The following CDK7 variants were observed in gnomAD, a reference collection of about 807,000 sequenced individuals.
The protein encoded by CDK7 is cyclin-dependent kinase 7.
In CDK7, 25 loss-of-function variants were observed where a neutral mutation model predicts 49.1. The observed-to-expected ratio is 0.51, with a 90% CI of 0.37 to 0.71. CDK7 has a LOEUF of 0.71. CDK7 is among the 30% of genes least tolerant of loss of function. The probability of loss-of-function intolerance (pLI) is 0.00; values close to 1 mark genes in which losing one functional copy is unlikely to be tolerated. For missense variants in CDK7, 316 were observed against 411.7 expected, an observed-to-expected ratio of 0.77 and a Z score of 2.01; for synonymous variants, 107 against 140.0, an observed-to-expected ratio of 0.76 and a Z score of 1.67.
At chr5:69,241,700 A>G (rs961337212) in intron 2 of CDK7, among the ~76,000 whole-genome samples, 1 of 152,052 alleles carries the variant, frequency 6.6e-6, no homozygotes, top group Non-Finnish European at 1.5e-5. Context: ...TGCCATTTGT[A>G]TGTCTTCTTT....
intron 8 of CDK7, among the ~76,000 whole-genome samples, chr5:69,268,682 C>G (rs1339451131): frequency 6.6e-6 from 1 of 150,846 alleles, no homozygotes; most frequent in Non-Finnish European, 1.5e-5. Flanking sequence ...GAAACCCCAT[C>G]TCTACTAAAA....
chr5:69,245,952 T>A (rs116797493), intron 2 of CDK7, among the ~76,000 whole-genome samples: 3,894 of 152,300 alleles, frequency 0.026, 51 homozygotes, highest in Non-Finnish European at 0.039. Flanking sequence ...TTTCTTTTAG[T>A]CTAAAGGTTG....
intron 2 of CDK7, among the ~76,000 whole-genome samples, chr5:69,244,966 G>A (rs1749639468): frequency 6.6e-6 from 1 of 152,082 alleles, no homozygotes; most frequent in South Asian, 2.1e-4. Context: ...TTCATTTGTT[G>A]ATATTACATA....
chr5:69,246,831 TTTC>T (rs1749788264), intron 2 of CDK7, among the ~76,000 whole-genome samples: 1 of 152,188 alleles, frequency 6.6e-6, no homozygotes, highest in Non-Finnish European at 1.5e-5. Flanking sequence ...ATTTTTCAAT[TTTC>T]TTCTTCATCT....
At chr5:69,243,406 C>G (rs1438586896) in intron 2 of CDK7, among the ~76,000 whole-genome samples, 1 of 152,198 alleles carries the variant, frequency 6.6e-6, no homozygotes, top group Non-Finnish European at 1.5e-5. Context: ...GTCTTTTCCT[C>G]ATTGTATGTT....
At chr5:69,270,837 G>T (rs1751478151) in intron 9 of CDK7, among the ~76,000 whole-genome samples, 1 of 152,112 alleles carries the variant, frequency 6.6e-6, no homozygotes, top group African/African-American at 2.4e-5. Context: ...GTATTGTGTG[G>T]ATTTATTTCA....
At chr5:69,252,511 T>TC in intron 3 of CDK7, 60 bp downstream of exon 3, 1 of 924,546 alleles carries the variant, frequency 1.1e-6, no homozygotes, top group Non-Finnish European at 1.6e-6. Flanking sequence ...TTTTTTTTTT[T>TC]TTTTTTTTTT....
Position 69,248,645 on chromosome 5 carries a change from C to T in CDK7, c.127-3773C>T, listed in dbSNP as rs112781247. ...TCAGGTGACCCACCCTCCTCGGCCT[C>T]CCAAAGTGCTGGAATTACAGGTGTG... On this transcript the variant is annotated intron_variant, in intron 2 of 11. Coordinates refer to ENST00000256443, the MANE Select transcript of CDK7 (RefSeq NM_001799.4). Among the ~76,000 whole-genome samples the T allele has an allele frequency of 9.7e-4, 147 of 152,214 alleles. 2 individuals are homozygous for T. Among genetic ancestry groups the T allele is most frequent in the African/African-American group, 3.4e-3 (142 of 41,554 alleles).
chr5:69,238,879 A>G (rs1444635226), intron 2 of CDK7, among the ~76,000 whole-genome samples: 1 of 151,858 alleles, frequency 6.6e-6, no homozygotes, highest in African/African-American at 2.4e-5. Flanking sequence ...TGTTATTCTG[A>G]GTCAACATTA....
intron 10 of CDK7, among the ~76,000 whole-genome samples, chr5:69,274,025 T>TA (rs1751852498): frequency 6.6e-6 from 1 of 152,198 alleles, no homozygotes; most frequent in Non-Finnish European, 1.5e-5. Flanking sequence ...TGTGTACACA[T>TA]ACTCTTTTAA....
At chr5:69,241,934 GC>G (rs1014903758) in intron 2 of CDK7, among the ~76,000 whole-genome samples, 18 of 152,136 alleles carry the variant, frequency 1.2e-4, no homozygotes, top group African/African-American at 4.3e-4. Context: ...GTCCATTTTT[GC>G]ATTGGTTGCC....
At chr5:69,260,499 T>C (rs922371557) in intron 7 of CDK7, among the ~76,000 whole-genome samples, 19 of 152,256 alleles carry the variant, frequency 1.2e-4, no homozygotes, top group Admixed American at 1.2e-3. Context: ...ATTTATACTT[T>C]AACATTTTAG....
intron 2 of CDK7, among the ~76,000 whole-genome samples, chr5:69,249,544 CTG>C (rs1750000174): frequency 7.4e-6 from 1 of 135,448 alleles, no homozygotes; most frequent in South Asian, 2.3e-4. Context: ...GAGCAAGACT[CTG>C]TTTCAAAAAA....
chr5:69,266,733 T>G (rs1417319733), intron 8 of CDK7, among the ~76,000 whole-genome samples: 1 of 149,434 alleles, frequency 6.7e-6, no homozygotes, highest in Non-Finnish European at 1.5e-5. Flanking sequence ...AACCGATGGA[T>G]ATGATTGGTT....
chr5:69,234,856 A>T (rs1338285950), upstream of CDK7: 135 of 990,968 alleles, frequency 1.4e-4, 1 homozygote, highest in Admixed American at 2.9e-3. Flanking sequence ...TGAGGCGGGG[A>T]TACTAAAGCG....
At chr5:69,242,093 A>C (rs1430358299) in intron 2 of CDK7, among the ~76,000 whole-genome samples, 1 of 152,100 alleles carries the variant, frequency 6.6e-6, no homozygotes, top group Non-Finnish European at 1.5e-5. Context: ...ATGATGAGAG[A>C]TATGGGTCTA....
chr5:69,260,540 T>C (rs1750749918), intron 7 of CDK7, among the ~76,000 whole-genome samples: 1 of 152,230 alleles, frequency 6.6e-6, no homozygotes, highest in Admixed American at 6.5e-5. Context: ...GTGGATATTC[T>C]TCTACCTAAT....
chr5:69,240,779 C>T (rs962999622), intron 2 of CDK7, among the ~76,000 whole-genome samples: 1 of 151,990 alleles, frequency 6.6e-6, no homozygotes, highest in African/African-American at 2.4e-5. Context: ...AGACACATGC[C>T]ACCACACCCA....
chr5:69,271,932 T>G lies in CDK7; in HGVS notation c.715-960T>G, dbSNP rs1475522841. On this transcript the variant is annotated intron_variant, in intron 9 of 11. Coordinates refer to ENST00000256443, the MANE Select transcript of CDK7 (RefSeq NM_001799.4). ...GACTTAGGGCAAGGTTCAGTTTTTG[T>G]TTTTTTTTTTCTTTGAGACAGTCTC... 6.4e-5 allele frequency among the ~76,000 whole-genome samples: 7 copies of G among 108,860 alleles called. No homozygotes were observed. The East Asian group carries it at 1.1e-3, about 17-fold the overall frequency. The allele number at this position is 108,860 out of a possible 152,430, so 71.4% of individuals were successfully genotyped here.
Sources: gnomAD v4.1 joint callset for allele counts (sites outside exome capture counted in the v4.1 genomes callset) on GRCh38, gnomAD v4.1.1 for gene constraint, MANE v1.5 for transcripts, NCBI Gene and HGNC (gene_info 2026-07-23, HGNC 2026-07-21) for gene names.